Variants in STIMATE observed in about 807,000 individuals in gnomAD.
STIMATE encodes the protein store-operated calcium entry regulator STIMATE.
A neutral mutation model predicts 36.7 loss-of-function variants in STIMATE; 15 were observed. The ratio of observed to expected loss-of-function variants is 0.41; its 90% CI spans 0.27 to 0.63. The LOEUF is 0.63. Among genes scored for constraint, STIMATE ranks in the 20% least tolerant of loss-of-function variants. The probability of loss-of-function intolerance (pLI) is 0.32; values close to 1 mark genes in which losing one functional copy is unlikely to be tolerated. For synonymous variants in STIMATE, 163 were observed against 162.3 expected (o/e 1.00, Z -0.03); for missense variants, 305 against 397.3 (o/e 0.77, Z 1.98).
chr3:52,887,544 T>G (rs1701709940), intron 1 of STIMATE, among the ~76,000 whole-genome samples: 1 of 152,194 alleles, frequency 6.6e-6, no homozygotes. Flanking sequence ...GGACCACACA[T>G]GGCACCACAG....
chr3:52,866,288 A>C (rs937793837), intron 1 of STIMATE, among the ~76,000 whole-genome samples: 3 of 152,258 alleles, frequency 2.0e-5, no homozygotes, highest in Non-Finnish European at 2.9e-5. Context: ...TGATCGCTGA[A>C]GAGGCTGTCT....
chr3:52,897,165 G>C, intron 1 of STIMATE, 126 bp downstream of exon 1: 1 of 1,276,098 alleles, frequency 7.8e-7, no homozygotes, highest in Non-Finnish European at 1.0e-6. Context: ...TACCCAGCCT[G>C]GGTTTGCGGG....
chr3:52,868,112 C>T (rs889216737), intron 1 of STIMATE, among the ~76,000 whole-genome samples: 4 of 152,174 alleles, frequency 2.6e-5, no homozygotes, highest in African/African-American at 9.7e-5. Context: ...AACGAACATC[C>T]CAACAACCAG....
chr3:52,897,407 C>T lies in STIMATE; in HGVS notation c.44G>A (p.Gly15Glu), dbSNP rs1701884659. Residue 15 changes from glycine to glutamate, a missense_variant, in exon 1 of 8, where the codon GGG becomes GAG. Gly to Glu is a moderately conservative substitution (Grantham distance 98). This residue lies in a region of STIMATE where 57 missense variants were observed against 57.1 expected (regional missense o/e 1.00). Coordinates refer to ENST00000355083, the MANE Select transcript of STIMATE (RefSeq NM_198563.5). ...AGNASRGLPG[G>E]PPSTVASGAG... ...CCCGGACGCGACTGTGGAGGGCGGCCCGCCTGGCAGTCCCCGGCTCGCGTT... is the reference window on the plus strand; with the variant it reads ...CCCGGACGCGACTGTGGAGGGCGGCTCGCCTGGCAGTCCCCGGCTCGCGTT... 4.7e-6 allele frequency: 7 copies of T among 1,478,706 alleles called. No homozygotes were observed. Among genetic ancestry groups the T allele is most frequent in the South Asian group, 2.6e-5 (2 of 78,138 alleles). The allele number at this position is 1,478,706 out of a possible 1,614,324, so 91.6% of individuals were successfully genotyped here. A position where few individuals can be genotyped will look rare whatever the true frequency, so the allele number is the denominator to read the frequency against.
intron 1 of STIMATE, among the ~76,000 whole-genome samples, chr3:52,868,089 T>C (rs1403784213): frequency 6.6e-6 from 1 of 152,088 alleles, no homozygotes; most frequent in Non-Finnish European, 1.5e-5. Context: ...TTCTGCACCT[T>C]CCCTAAGTGA....
At chr3:52,874,229 T>G (rs1575342759) in intron 1 of STIMATE, among the ~76,000 whole-genome samples, 1 of 152,330 alleles carries the variant, frequency 6.6e-6, no homozygotes, top group Non-Finnish European at 1.5e-5. Context: ...GAAGTATACT[T>G]ACAATGCGTG....
chr3:52,841,543 G>C (rs1158369249), intron 7 of STIMATE: 5 of 152,252 alleles, frequency 3.3e-5, no homozygotes, highest in African/African-American at 1.2e-4. Context: ...GGGATCAGGA[G>C]GTCCAAAGCC....
At chr3:52,852,136 C>T (rs1701011362) in intron 3 of STIMATE, among the ~76,000 whole-genome samples, 1 of 152,176 alleles carries the variant, frequency 6.6e-6, no homozygotes, top group Non-Finnish European at 1.5e-5. Flanking sequence ...AGATGGATTG[C>T]TCTGGGGGCT....
At position 52,891,950 on chromosome 3, in the gene STIMATE, C is replaced by T. The variant is rs1377685549; in HGVS notation, c.160+5341G>A. Among the ~76,000 whole-genome samples, 5 of 152,148 alleles carry T rather than the reference C, an allele frequency of 3.3e-5. No homozygotes were observed. The East Asian group carries it at 5.8e-4, about 18-fold the overall frequency. ...TAGCCCCAGAAAAGACAGATTATTA[C>T]CACATGTTACTGGGGAGAAAACTGA... On this transcript the variant is annotated intron_variant, in intron 1 of 7. Transcript: ENST00000355083.
rs1324382424 is a variant in STIMATE at position 52,844,852 on chromosome 3, G to A, written c.517C>T (p.Leu173Phe). The A allele has an allele frequency of 3.7e-6, 6 of 1,614,034 alleles. No homozygotes were observed. The highest frequency in any genetic ancestry group is 5.1e-6 in the Non-Finnish European group (6 of 1,180,016). ...IFEKSVVFIVLLILQWKKVAL... is the reference protein window; with the variant it reads ...IFEKSVVFIVFLILQWKKVAL... ...ACCTTTTTCCACTGAAGTATTAGGAGGACGATGAAGACGACAGACTTTTCA... is the reference window on the plus strand; with the variant it reads ...ACCTTTTTCCACTGAAGTATTAGGAAGACGATGAAGACGACAGACTTTTCA... Residue 173 changes from leucine to phenylalanine, a missense_variant, in exon 5 of 8, where the codon CTC becomes TTC. Coordinates refer to ENST00000355083, the MANE Select transcript of STIMATE (RefSeq NM_198563.5).
At chr3:52,895,464 G>C (rs1030519716) in intron 1 of STIMATE, among the ~76,000 whole-genome samples, 19 of 152,272 alleles carry the variant, frequency 1.2e-4, no homozygotes, top group African/African-American at 4.6e-4. Flanking sequence ...ATTTCCACAA[G>C]CTCCGTCCAC....
At chr3:52,854,302 T>C (rs760475468) in intron 2 of STIMATE, among the ~76,000 whole-genome samples, 4 of 152,092 alleles carry the variant, frequency 2.6e-5, no homozygotes, top group Non-Finnish European at 4.4e-5. Context: ...AGCTTCAGGA[T>C]GGGGCTAGTC....
chr3:52,844,771 G>A (rs1364040395), intron 5 of STIMATE, 58 bp downstream of exon 5: 2 of 1,590,338 alleles, frequency 1.3e-6, no homozygotes, highest in South Asian at 1.1e-5. Flanking sequence ...GGGTGATGGG[G>A]AGGAAGTGCT....
chr3:52,872,636 T>C (rs1392532101), intron 1 of STIMATE, among the ~76,000 whole-genome samples: 1 of 152,274 alleles, frequency 6.6e-6, no homozygotes, highest in African/African-American at 2.4e-5. Context: ...TTTTTAATTT[T>C]ATTTTTTGAG....
At chr3:52,883,922 T>C (rs1394214149) in intron 1 of STIMATE, among the ~76,000 whole-genome samples, 1 of 152,214 alleles carries the variant, frequency 6.6e-6, no homozygotes, top group African/African-American at 2.4e-5. Flanking sequence ...CTTCTGACTG[T>C]AGGCCACAAT....
At chr3:52,845,468 T>C (rs1287678130) in intron 4 of STIMATE, among the ~76,000 whole-genome samples, 1 of 152,064 alleles carries the variant, frequency 6.6e-6, no homozygotes, top group African/African-American at 2.4e-5. Flanking sequence ...CCTCAGCCTC[T>C]TGAGAGCAGA....
chr3:52,852,460 TG>T, intron 3 of STIMATE, 142 bp downstream of exon 3: 1 of 963,328 alleles, frequency 1.0e-6, no homozygotes, highest in Non-Finnish European at 1.6e-6. Flanking sequence ...ATGTACAGGA[TG>T]GTCTCTCAGA....
chr3:52,838,762 G>C lies in STIMATE; in HGVS notation c.*1732C>G, dbSNP rs1006997245. 6.6e-6 allele frequency: 1 copy of C among 151,808 alleles called. No individual in the cohort carries two copies. Among genetic ancestry groups the C allele is most frequent in the Non-Finnish European group, 1.5e-5 (1 of 67,994 alleles). 9.4% of individuals were successfully genotyped at this position (151,808 alleles called of 1,614,324 possible). A position where few individuals can be genotyped will look rare whatever the true frequency, so the allele number is the denominator to read the frequency against. ...AGGACAGGTAGGGCTCTGAGAGGCA[G>C]AGGGCAGTCCCAGGGTACCTGGTTT... is the stretch of plus-strand genomic sequence containing the variant. On this transcript the variant is annotated 3_prime_UTR_variant, in exon 8 of 8. Coordinates refer to ENST00000355083, the MANE Select transcript of STIMATE (RefSeq NM_198563.5).
At chr3:52,875,096 G>A (rs577112123) in intron 1 of STIMATE, among the ~76,000 whole-genome samples, 2 of 152,304 alleles carry the variant, frequency 1.3e-5, no homozygotes, top group East Asian at 3.9e-4. Flanking sequence ...ATCTATGGTA[G>A]ATGGGAGGTC....
Sources: gnomAD v4.1 joint callset for allele counts (sites outside exome capture counted in the v4.1 genomes callset) on GRCh38, gnomAD v4.1.1 for gene constraint, gnomAD v4.1.1 regional missense constraint, MANE v1.5 for transcripts, NCBI Gene and HGNC (gene_info 2026-07-23, HGNC 2026-07-21) for gene names.